Variants in IRAK1 observed in about 807,000 individuals in gnomAD.
The protein encoded by IRAK1 is interleukin-1 receptor-associated kinase 1.
IRAK1 carries 9 observed loss-of-function variants against 49.8 expected under a neutral mutation model. That is an observed-to-expected ratio of 0.18 (90% CI 0.11 to 0.32). The LOEUF is 0.32. IRAK1 is among the 10% of genes least tolerant of loss of function. The pLI, the probability that IRAK1 is intolerant of heterozygous loss-of-function variation, is 1.00. For synonymous variants in IRAK1, 282 were observed against 270.8 expected (o/e 1.04, Z -0.41); for missense variants, 418 against 600.5 (o/e 0.70, Z 3.18).
At chrX:154,015,980 G>A (rs2065736126) in intron 10 of IRAK1, 52 bp downstream of exon 10, 1 of 1,059,041 alleles carries the variant, frequency 9.4e-7, no homozygotes, top group Admixed American at 2.2e-5. Flanking sequence ...GGCTGTGCCT[G>A]CTGGCTGCCA....
Position 154,016,648 on chromosome X carries a change from G to A in IRAK1, c.1029-4C>T. ...CTCATCCAGAAGGACGTTGGAACTT[G>A]GGGAGAGAAGACAGTGGCGTCAGCC... On this transcript the variant is annotated splice_polypyrimidine_tract_variant and splice_region_variant and intron_variant, in intron 8 of 13. Transcript: ENST00000369980. The A allele has an allele frequency of 1.7e-6, 2 of 1,197,367 alleles. No homozygotes were observed. Among genetic ancestry groups the A allele is most frequent in the Non-Finnish European group, 2.3e-6 (2 of 882,234 alleles).
At chrX:154,016,892 G>A (rs1253427895) in intron 8 of IRAK1, 57 bp downstream of exon 8, 16 of 899,899 alleles carry the variant, frequency 1.8e-5, no homozygotes, top group African/African-American at 3.9e-5. Flanking sequence ...TTGATAGGAC[G>A]CGGGGCCCCC....
intron 9 of IRAK1, 80 bp downstream of exon 9, chrX:154,016,357 C>T (rs1174543092): frequency 1.1e-5 from 11 of 985,599 alleles, no homozygotes; most frequent in South Asian, 8.3e-5. Flanking sequence ...GCCCCTGGCC[C>T]GCAGTGCACT....
Position 154,016,634 on chromosome X carries a change from G to A in IRAK1, c.1039C>T (p.Leu347Phe). 8.3e-7 allele frequency: 1 copy of A among 1,208,811 alleles called. No individual in the cohort carries two copies. The highest frequency in any genetic ancestry group is 1.1e-6 in the Non-Finnish European group (1 of 892,298). The change falls in exon 9 of 14, where the codon CTT (leucine) becomes TTT (phenylalanine). Residue 347 changes from leucine to phenylalanine, a missense_variant. Coordinates refer to ENST00000369980, the MANE Select transcript of IRAK1 (RefSeq NM_001569.4). ...TTGGGTGTCAGCCTCTCATCCAGAAGGACGTTGGAACTTGGGGAGAGAAGA... is the reference window on the plus strand; with the variant it reads ...TTGGGTGTCAGCCTCTCATCCAGAAAGACGTTGGAACTTGGGGAGAGAAGA... The part of the protein sequence containing the change: ...IHGDIKSSNV[L>F]LDERLTPKLG...
Position 154,018,138 on chromosome X carries a change from G to A in IRAK1, c.795-18C>T, listed in dbSNP as rs1557129979. On this transcript the variant is annotated intron_variant, in intron 6 of 13. Coordinates refer to ENST00000369980, the MANE Select transcript of IRAK1 (RefSeq NM_001569.4). ...GACGAAACCTGTTTGAAAAAGGGGA[G>A]CACTTTCCATCAGGCCAGACTGGGT... 3 of 1,164,449 alleles carry A rather than the reference G, an allele frequency of 2.6e-6. No individual in the cohort carries two copies. Among genetic ancestry groups the A allele is most frequent in the Non-Finnish European group, 2.3e-6 (2 of 852,370 alleles).
At chrX:154,015,532 T>G (rs1253561119) in intron 10 of IRAK1, among the ~76,000 whole-genome samples, 1 of 112,779 alleles carries the variant, frequency 8.9e-6, no homozygotes, top group Non-Finnish European at 1.9e-5. Context: ...AGGAATTTGC[T>G]GGAAGGCCAC....
At chrX:154,014,855 T>G (rs1389794893) in intron 10 of IRAK1, among the ~76,000 whole-genome samples, 1 of 111,772 alleles carries the variant, frequency 8.9e-6, no homozygotes, top group Non-Finnish European at 1.9e-5. Flanking sequence ...CAGAGCTGAC[T>G]TCCTGGTGGG....
In IRAK1 at chrX:154,011,770, G is replaced by A. The variant is rs1467041605; in HGVS notation, c.*89C>T. ...GCATGGGCCCCCACCCCCACTGCCG[G>A]CAGAGTGCTGAGGACTCGTGCACCA... On this transcript the variant is annotated 3_prime_UTR_variant, in exon 14 of 14. Coordinates refer to ENST00000369980, the MANE Select transcript of IRAK1 (RefSeq NM_001569.4). 4.2e-6 allele frequency: 4 copies of A among 946,411 alleles called. No homozygotes were observed. The highest frequency in any genetic ancestry group is 1.9e-5 in the African/African-American group (1 of 52,528). The allele number at this position is 946,411 out of a possible 1,213,427, so 78.0% of individuals were successfully genotyped here. A position where few individuals can be genotyped will look rare whatever the true frequency, so the allele number is the denominator to read the frequency against.
intron 5 of IRAK1, 74 bp downstream of exon 5, chrX:154,018,525 A>T: frequency 1.0e-6 from 1 of 960,851 alleles, no homozygotes; most frequent in Non-Finnish European, 1.5e-6. Flanking sequence ...TGGGGAAGCG[A>T]GGGGGAAAGG....
intron 7 of IRAK1, among the ~76,000 whole-genome samples, chrX:154,017,790 C>T (rs2065749497): frequency 1.4e-5 from 1 of 69,787 alleles, no homozygotes; most frequent in Non-Finnish European, 2.7e-5. Context: ...AGCAAGACTC[C>T]ACCTCAAAAA....
At chrX:154,018,142 T>G in intron 6 of IRAK1, 22 bp from the exon 7 acceptor site, 1 of 1,158,658 alleles carries the variant, frequency 8.6e-7, no homozygotes, top group Non-Finnish European at 1.2e-6. Flanking sequence ...AGGGGAGCAC[T>G]TTCCATCAGG....
chrX:154,016,796 C>T (rs2065741885), intron 8 of IRAK1, 152 bp from the exon 9 acceptor site: 25 of 611,672 alleles, frequency 4.1e-5, no homozygotes, highest in Non-Finnish European at 6.3e-5. Flanking sequence ...GGGGCCTCTG[C>T]TCATCAGTAG....
chrX:154,010,890 C>T lies in IRAK1; in HGVS notation c.*969G>A, dbSNP rs1263395822. 27 of 331,472 alleles carry T rather than the reference C, an allele frequency of 8.1e-5. No individual in the cohort carries two copies. The highest frequency in any genetic ancestry group is 6.9e-4 in the East Asian group (7 of 10,113). 27.3% of individuals were successfully genotyped at this position (331,472 alleles called of 1,213,427 possible). ...GTGGCCTCCGAAGCCTGACCTGGCT[C>T]GGAGCTCGTCTGTGGCGCCCAGGGA... On this transcript the variant is annotated 3_prime_UTR_variant, in exon 14 of 14. Transcript: ENST00000369980.
intron 5 of IRAK1, 79 bp from the exon 6 acceptor site, chrX:154,018,434 C>A: frequency 2.2e-6 from 2 of 930,023 alleles, no homozygotes; most frequent in Non-Finnish European, 3.1e-6. Flanking sequence ...GGCCTTCGGG[C>A]CACCAGTGCC....
Position 154,010,852 on chromosome X carries a change from T to C in IRAK1, c.*1007A>G, listed in dbSNP as rs1557127210. Reference sequence around the variant, plus strand: ...CTCTGCCACAATCAGTGCCTGGGCCTGAGGCTGAGCTTGTGGCCTCCGAAG... The same window carrying C: ...CTCTGCCACAATCAGTGCCTGGGCCCGAGGCTGAGCTTGTGGCCTCCGAAG... On this transcript the variant is annotated 3_prime_UTR_variant, in exon 14 of 14. Coordinates refer to ENST00000369980, the MANE Select transcript of IRAK1 (RefSeq NM_001569.4). 3.2e-6 allele frequency: 1 copy of C among 308,888 alleles called. No homozygotes were observed. Among genetic ancestry groups the C allele is most frequent in the Non-Finnish European group, 6.4e-6 (1 of 155,722 alleles). The allele number at this position is 308,888 out of a possible 1,213,427, so 25.5% of individuals were successfully genotyped here.
At position 154,013,259 on chromosome X, in the gene IRAK1, C is replaced by G; in HGVS notation, c.1714G>C (p.Ala572Pro). The change falls in exon 12 of 14, where the codon GCC becomes CCC. Residue 572 changes from alanine to proline, a missense_variant. Ala to Pro is a conservative substitution (Grantham distance 27, BLOSUM62 -1). This residue lies in a region of IRAK1 where 377 missense variants were observed against 499.5 expected (regional missense o/e 0.75). Transcript: ENST00000369980. ...CTCTGCAGCTGCTCTGCTGCCTGGG[C>G]ACTGGCTCCTGATGGCGCTGCCAGG... ...QPLAAPSGAS[A>P]QAAEQLQRGP... The G allele has an allele frequency of 2.5e-6, 3 of 1,209,604 alleles. No homozygotes were observed. Among genetic ancestry groups the G allele is most frequent in the Non-Finnish European group, 3.4e-6 (3 of 895,075 alleles).
intron 13 of IRAK1, 112 bp from the exon 14 acceptor site, chrX:154,012,029 G>T: frequency 1.7e-6 from 1 of 604,586 alleles, no homozygotes; most frequent in South Asian, 2.7e-5. Flanking sequence ...GCGTTCGTGG[G>T]AATTGAGGGT....
intron 10 of IRAK1, among the ~76,000 whole-genome samples, chrX:154,015,522 A>G (rs2065732754): frequency 8.9e-6 from 1 of 112,709 alleles, no homozygotes; most frequent in South Asian, 3.6e-4. Context: ...ACAGGGGAGC[A>G]GGAATTTGCT....
At position 154,011,015 on chromosome X, in the gene IRAK1, C is replaced by T. The variant is rs1269025751; in HGVS notation, c.*844G>A. The T allele has an allele frequency of 1.2e-5, 4 of 341,386 alleles. No individual in the cohort carries two copies. The highest frequency in any genetic ancestry group is 2.4e-5 in the Non-Finnish European group (4 of 170,073). The allele number at this position is 341,386 out of a possible 1,213,427, so 28.1% of individuals were successfully genotyped here. A position where few individuals can be genotyped will look rare whatever the true frequency, so the allele number is the denominator to read the frequency against. On this transcript the variant is annotated 3_prime_UTR_variant, in exon 14 of 14. Coordinates refer to ENST00000369980, the MANE Select transcript of IRAK1 (RefSeq NM_001569.4). ...TTGGAGGTGGGTGCTGCTCGACTTT[C>T]TGGAGGATCTCAGAATTCTCGCTTC...
Sources: gnomAD v4.1 joint callset for allele counts (sites outside exome capture counted in the v4.1 genomes callset) on GRCh38, gnomAD v4.1.1 for gene constraint, gnomAD v4.1.1 regional missense constraint, MANE v1.5 for transcripts, NCBI Gene and HGNC (gene_info 2026-07-23, HGNC 2026-07-21) for gene names.